Variants in IQSEC2 observed in about 807,000 individuals in gnomAD.
The protein encoded by IQSEC2 is IQ motif and SEC7 domain-containing protein 2.
A neutral mutation model predicts 74.6 loss-of-function variants in IQSEC2; 6 were observed. That is an observed-to-expected ratio of 0.08 (90% CI 0.04 to 0.16). IQSEC2 has a LOEUF of 0.16. Ranked by LOEUF, IQSEC2 falls within the 10% of genes least tolerant of loss-of-function variation. The pLI is 1.00. For missense variants in IQSEC2, 734 were observed against 1,306.2 expected, an observed-to-expected ratio of 0.56 and a Z score of 6.75; for synonymous variants, 494 against 544.5, an observed-to-expected ratio of 0.91 and a Z score of 1.29.
At chrX:53,260,509 T>A (rs1203509341) in intron 2 of IQSEC2, among the ~76,000 whole-genome samples, 1 of 111,622 alleles carries the variant, frequency 9.0e-6, no homozygotes, top group Non-Finnish European at 1.9e-5. Context: ...TCAGCAGCCA[T>A]GGGATAACCT....
intron 1 of IQSEC2, among the ~76,000 whole-genome samples, chrX:53,299,222 A>G (rs1396570319): frequency 2.7e-5 from 3 of 110,555 alleles, no homozygotes; most frequent in African/African-American, 9.9e-5. Context: ...CAGTGTACTG[A>G]GGTTTAGTTT....
At chrX:53,241,654 C>G in intron 10 of IQSEC2, 130 bp downstream of exon 10, 1 of 931,838 alleles carries the variant, frequency 1.1e-6, no homozygotes, top group Non-Finnish European at 1.5e-6. Flanking sequence ...TGAGACCATG[C>G]AGATGGCATG....
intron 1 of IQSEC2, among the ~76,000 whole-genome samples, chrX:53,299,821 G>T (rs975872373): frequency 2.7e-5 from 3 of 111,112 alleles, no homozygotes; most frequent in African/African-American, 9.8e-5. Context: ...TGTGAGCATC[G>T]CTCACAGCCT....
intron 10 of IQSEC2, 130 bp from the exon 11 acceptor site, chrX:53,239,424 C>T (rs2074184782): frequency 4.3e-6 from 2 of 465,364 alleles, no homozygotes; most frequent in South Asian, 6.0e-5. Context: ...CACACATGCC[C>T]ACAAGCTGGG....
intron 1 of IQSEC2, among the ~76,000 whole-genome samples, chrX:53,303,239 CAGAATA>C (rs1490405818): frequency 9.1e-6 from 1 of 110,456 alleles, no homozygotes; most frequent in Non-Finnish European, 1.9e-5. Flanking sequence ...TAGGAACAGC[CAGAATA>C]AAGTCATGGA....
At chrX:53,318,720 C>T (rs1374686777) in intron 1 of IQSEC2, among the ~76,000 whole-genome samples, 2 of 112,971 alleles carry the variant, frequency 1.8e-5, no homozygotes, top group African/African-American at 3.2e-5. Flanking sequence ...CCCACTGTTT[C>T]GGGTTCTGCT....
intron 1 of IQSEC2, among the ~76,000 whole-genome samples, chrX:53,309,317 G>A (rs1251014889): frequency 4.5e-5 from 5 of 112,044 alleles, no homozygotes; most frequent in African/African-American, 1.3e-4. Context: ...TGAGAAGCAG[G>A]GGATAGGAAG....
intron 2 of IQSEC2, among the ~76,000 whole-genome samples, chrX:53,265,827 G>A (rs147315492): frequency 1.5e-3 from 173 of 112,126 alleles, no homozygotes; most frequent in East Asian, 5.6e-3. Flanking sequence ...AAAAGTAAAC[G>A]ATCAAGGAAT....
rs781902238 is a variant in IQSEC2, at chrX:53,320,757, A to G, written c.367T>C (p.Tyr123His). The G allele has an allele frequency of 8.6e-7, 1 of 1,165,662 alleles. No homozygotes were observed. Among genetic ancestry groups the G allele is most frequent in the East Asian group, 3.3e-5 (1 of 30,619 alleles). Reference protein sequence around the residue: ...DVGYPNREGAYQNREAVYRDK... With the variant: ...DVGYPNREGAHQNREAVYRDK... Reference sequence around the variant, plus strand: ...CGATACACAGCCTCCCGATTCTGGTAGGCGCCTTCCCGGTTCGGGTAGCCC... The same window carrying G: ...CGATACACAGCCTCCCGATTCTGGTGGGCGCCTTCCCGGTTCGGGTAGCCC... Residue 123 changes from tyrosine to histidine, a missense_variant, in exon 1 of 15, where the codon TAC becomes CAC. Physicochemically the swap from Tyr to His is moderately conservative, Grantham distance 83. This residue lies in a region of IQSEC2 where 134 missense variants were observed against 214.9 expected (regional missense o/e 0.62). Coordinates refer to ENST00000642864, the MANE Select transcript of IQSEC2 (RefSeq NM_001111125.3).
chrX:53,250,416 A>G lies in IQSEC2; in HGVS notation c.2160T>C (p.Ser720=). ...NCSSGSSSRD[S]LREPPATGLC... is the part of the protein sequence containing the mutation. ...GGCCGGTAGCCGGAGGCTCCCTTAG[A>G]CTGTCCCGAGAAGAGGAGCCGGAGC... Residue 720 remains serine (S), a synonymous_variant, in exon 5 of 15, where the codon AGT becomes AGC. Coordinates refer to ENST00000642864, the MANE Select transcript of IQSEC2 (RefSeq NM_001111125.3). 1 of 1,211,384 alleles carries G rather than the reference A, an allele frequency of 8.3e-7. No homozygotes were observed. The highest frequency in any genetic ancestry group is 1.1e-6 in the Non-Finnish European group (1 of 895,322).
chrX:53,308,369 C>T (rs781891592), intron 1 of IQSEC2, among the ~76,000 whole-genome samples: 1 of 109,062 alleles, frequency 9.2e-6, no homozygotes, highest in African/African-American at 3.3e-5. Context: ...TATTATATTT[C>T]GGTATGAAGT....
In IQSEC2 at chrX:53,315,454, G is replaced by A. The variant is rs969070074; in HGVS notation, c.707+4963C>T. ...CTGTGCAAATGAGGTAAGAAGTAGT[G>A]CTCCAGGGTGGGTTAGAACACTGCG... is the stretch of plus-strand genomic sequence containing the variant. On this transcript the variant is annotated intron_variant, in intron 1 of 14. Transcript: ENST00000642864. Among the ~76,000 whole-genome samples the A allele has an allele frequency of 3.6e-5, 4 of 111,525 alleles. No homozygotes were observed. The South Asian group carries it at 1.5e-3, about 43-fold the overall frequency.
intron 2 of IQSEC2, among the ~76,000 whole-genome samples, chrX:53,259,860 A>G (rs1405610405): frequency 2.7e-5 from 3 of 112,201 alleles, no homozygotes; most frequent in Non-Finnish European, 5.6e-5. Flanking sequence ...TTCTCTCACT[A>G]AAACCCTTCC....
At chrX:53,235,421 T>A (rs2074112263) in intron 14 of IQSEC2, among the ~76,000 whole-genome samples, 1 of 111,528 alleles carries the variant, frequency 9.0e-6, no homozygotes, top group Non-Finnish European at 1.9e-5. Flanking sequence ...CAGTACCTCC[T>A]CCTCATCCCC....
At chrX:53,245,495 G>A (rs1359156543) in intron 8 of IQSEC2, among the ~76,000 whole-genome samples, 1 of 109,990 alleles carries the variant, frequency 9.1e-6, no homozygotes, top group Non-Finnish European at 1.9e-5. Context: ...TTTCTTCCTT[G>A]GAAATGTCAC....
chrX:53,228,461 C>T (rs2074051584), downstream of IQSEC2, among the ~76,000 whole-genome samples: 1 of 111,611 alleles, frequency 9.0e-6, no homozygotes, highest in Non-Finnish European at 1.9e-5. Context: ...AAACTCACTC[C>T]AGGCTGGGGG....
At position 53,305,207 on chromosome X, in the gene IQSEC2, C is replaced by G. The variant is rs782373636; in HGVS notation, c.708-13283G>C. Among the ~76,000 whole-genome samples the G allele has an allele frequency of 8.4e-5, 9 of 106,943 alleles. No homozygotes were observed. In the South Asian group the frequency reaches 3.8e-3, roughly 45 times the overall value. The allele number at this position is 106,943 out of a possible 115,157, so 92.9% of individuals were successfully genotyped here. ...GTGCTAGGATTACAAGTGTGACCCA[C>G]CACGCCCGGCCTTATTTATTTTTTT... On this transcript the variant is annotated intron_variant, in intron 1 of 14. Transcript: ENST00000642864.
At chrX:53,316,844 A>G (rs1556879208) in intron 1 of IQSEC2, among the ~76,000 whole-genome samples, 1 of 110,150 alleles carries the variant, frequency 9.1e-6, no homozygotes, top group East Asian at 2.8e-4. Flanking sequence ...AAAAAAAAAA[A>G]AAAGAAAAAG....
chrX:53,249,845 G>A (rs782053182), intron 5 of IQSEC2, among the ~76,000 whole-genome samples: 36 of 111,573 alleles, frequency 3.2e-4, no homozygotes, highest in Non-Finnish European at 6.2e-4. Context: ...TCTGCTAGTG[G>A]TAGGTGGAAA....
Sources: allele counts gnomAD v4.1 joint callset (sites outside exome capture counted in the v4.1 genomes callset), GRCh38; gene constraint gnomAD v4.1.1; regional missense constraint gnomAD v4.1.1; transcripts MANE v1.5; gene names NCBI Gene and HGNC (gene_info 2026-07-23, HGNC 2026-07-21).